ADARB2: variants seen among roughly 807,000 people sequenced by gnomAD.
The protein encoded by ADARB2 is inactive double-stranded RNA-specific editase B2.
A neutral mutation model predicts 62.2 loss-of-function variants in ADARB2; 25 were observed. The observed-to-expected ratio is 0.40, with a 90% confidence interval of 0.29 to 0.56. The LOEUF (loss-of-function observed/expected upper bound fraction) is 0.56, where lower values mean the gene tolerates loss of function less well. ADARB2 is among the 20% of genes least tolerant of loss of function. The pLI, the probability that ADARB2 is intolerant of heterozygous loss-of-function variation, is 0.43. For missense variants in ADARB2, 1,071 were observed against 1,077.4 expected (o/e 0.99, Z 0.08); for synonymous variants, 572 against 500.8 (o/e 1.14, Z -1.90).
At chr10:1,509,255 T>C (rs1343224363) in intron 1 of ADARB2, among the ~76,000 whole-genome samples, 1 of 152,206 alleles carries the variant, frequency 6.6e-6, no homozygotes, top group Non-Finnish European at 1.5e-5. Context: ...GTCACTAATA[T>C]GCTTTTATGA....
chr10:1,689,939 T>C (rs547381724), intron 1 of ADARB2, among the ~76,000 whole-genome samples: 1 of 152,350 alleles, frequency 6.6e-6, no homozygotes, highest in Admixed American at 6.5e-5. Context: ...ACTCCACTAT[T>C]AAAGAAACAA....
intron 1 of ADARB2, among the ~76,000 whole-genome samples, chr10:1,386,527 A>G (rs1189709770): frequency 6.6e-6 from 1 of 152,016 alleles, no homozygotes; most frequent in Non-Finnish European, 1.5e-5. Flanking sequence ...TATGTTAACA[A>G]TAGACACAGT....
chr10:1,266,236 C>T (rs918222905), intron 4 of ADARB2, among the ~76,000 whole-genome samples: 3 of 152,208 alleles, frequency 2.0e-5, no homozygotes, highest in Non-Finnish European at 4.4e-5. Flanking sequence ...GAAGAGAGAG[C>T]AGCTGTCTTC....
At chr10:1,308,442 A>C (rs903550341) in intron 3 of ADARB2, among the ~76,000 whole-genome samples, 6 of 152,242 alleles carry the variant, frequency 3.9e-5, no homozygotes, top group Admixed American at 1.3e-4. Flanking sequence ...GGCAACTATG[A>C]TAAAGCTACT....
intron 3 of ADARB2, among the ~76,000 whole-genome samples, chr10:1,337,062 CTGTGTGTG>C (rs145511384): frequency 6.3e-5 from 9 of 142,044 alleles, no homozygotes; most frequent in South Asian, 4.5e-4. Context: ...TTAAAGATTT[CTGTGTGTG>C]TGTGTGTGTG....
At chr10:1,512,245 A>G (rs529708684) in intron 1 of ADARB2, among the ~76,000 whole-genome samples, 2 of 151,942 alleles carry the variant, frequency 1.3e-5, no homozygotes, top group Non-Finnish European at 2.9e-5. Context: ...TGCTGTCTAC[A>G]CTGGACACCA....
intron 1 of ADARB2, among the ~76,000 whole-genome samples, chr10:1,734,296 G>GTTT (rs11338512): frequency 9.6e-4 from 126 of 130,784 alleles, no homozygotes; most frequent in African/African-American, 2.1e-3. Flanking sequence ...TGACGAAGGT[G>GTTT]TTTTTTTTTT....
chr10:1,192,334 TCTC>T, intron 8 of ADARB2, among the ~76,000 whole-genome samples: 1 of 152,254 alleles, frequency 6.6e-6, no homozygotes. Flanking sequence ...ATCAGAGAGA[TCTC>T]CTGAGTTTTC....
intron 3 of ADARB2, chr10:1,291,533 C>T (rs1002957840): frequency 2.6e-5 from 4 of 152,232 alleles, no homozygotes; most frequent in South Asian, 2.1e-4. Context: ...TGCTGTGTTC[C>T]CTGCACAATC....
intron 3 of ADARB2, among the ~76,000 whole-genome samples, chr10:1,279,564 C>T (rs1831352078): frequency 6.6e-6 from 1 of 152,230 alleles, no homozygotes; most frequent in Non-Finnish European, 1.5e-5. Flanking sequence ...AGTCCTCCTG[C>T]CTTGGCCTCC....
chr10:1,456,858 G>A (rs7073352), intron 1 of ADARB2, among the ~76,000 whole-genome samples: 81,831 of 151,960 alleles, frequency 0.54, 24,195 homozygotes, highest in Non-Finnish European at 0.67. Context: ...GCAATGGCAC[G>A]ATCTTGGCTC....
At chr10:1,542,735 G>T (rs1261323483) in intron 1 of ADARB2, among the ~76,000 whole-genome samples, 1 of 51,186 alleles carries the variant, frequency 2.0e-5, no homozygotes. Flanking sequence ...CTCAGACGCA[G>T]TTCGGACCCC....
chr10:1,327,110 G>A (rs1378906231), intron 3 of ADARB2, among the ~76,000 whole-genome samples: 4 of 68,300 alleles, frequency 5.9e-5, no homozygotes, highest in Non-Finnish European at 1.2e-4. Context: ...GCCTCCCCAC[G>A]GCACAGCGCC....
chr10:1,209,968 G>A (rs1412376223), intron 7 of ADARB2, among the ~76,000 whole-genome samples: 1 of 152,200 alleles, frequency 6.6e-6, no homozygotes, highest in Non-Finnish European at 1.5e-5. Flanking sequence ...GCTGTAAACT[G>A]ATCTTACCAC....
At chr10:1,394,884 TTTTC>T (rs779913741) in intron 1 of ADARB2, 19 of 457,004 alleles carry the variant, frequency 4.2e-5, no homozygotes, top group Admixed American at 9.4e-5. Flanking sequence ...TTTTCTTTTC[TTTTC>T]TTTTCTTCCT....
At chr10:1,216,859 G>T (rs534882655) in intron 7 of ADARB2, 92 bp downstream of exon 7, 20 of 1,493,792 alleles carry the variant, frequency 1.3e-5, no homozygotes, top group Non-Finnish European at 1.7e-5. Flanking sequence ...CAGCATCACT[G>T]ACCTCACCAG....
chr10:1,544,329 C>T (rs1400293383), intron 1 of ADARB2, among the ~76,000 whole-genome samples: 1 of 152,222 alleles, frequency 6.6e-6, no homozygotes, highest in Non-Finnish European at 1.5e-5. Context: ...CAGCATGAAG[C>T]CCCCGGGGGT....
chr10:1,321,811 A>G (rs1479266450), intron 3 of ADARB2, among the ~76,000 whole-genome samples: 1 of 152,168 alleles, frequency 6.6e-6, no homozygotes, highest in Non-Finnish European at 1.5e-5. Context: ...CTGTACTCTA[A>G]TGTAGAAGGA....
At chr10:1,254,606 A>G (rs1831064341) in intron 4 of ADARB2, among the ~76,000 whole-genome samples, 1 of 152,196 alleles carries the variant, frequency 6.6e-6, no homozygotes, top group Non-Finnish European at 1.5e-5. Flanking sequence ...GGTTATTCTT[A>G]TGGTCAGGTG....
Sources: allele counts gnomAD v4.1 joint callset (sites outside exome capture counted in the v4.1 genomes callset), GRCh38; gene constraint gnomAD v4.1.1; transcripts MANE v1.5; gene names NCBI Gene and HGNC (gene_info 2026-07-23, HGNC 2026-07-21).